MAP7D1: variants seen among roughly 807,000 people sequenced by gnomAD.
The protein encoded by MAP7D1 is MAP7 domain-containing protein 1.
In MAP7D1, 30 loss-of-function variants were observed where a neutral mutation model predicts 97.5. The ratio of observed to expected loss-of-function variants is 0.31; its 90% CI spans 0.23 to 0.42. The LOEUF is 0.42. Ranked by LOEUF, MAP7D1 falls within the 10% of genes least tolerant of loss-of-function variation. The probability of loss-of-function intolerance (pLI) is 1.00; values close to 1 mark genes in which losing one functional copy is unlikely to be tolerated. For missense variants in MAP7D1, 1,184 were observed against 1,179.5 expected (o/e 1.00, Z -0.06); for synonymous variants, 536 against 477.1 (o/e 1.12, Z -1.61).
In MAP7D1 at chr1:36,176,789, G is replaced by A. The variant is rs763003752; in HGVS notation, c.1326G>A (p.Ser442=). 1.4e-5 allele frequency: 22 copies of A among 1,597,098 alleles called. No individual in the cohort carries two copies. In the South Asian group the frequency reaches 1.7e-4, roughly 12 times the overall value. Residue 442 remains serine (S), a synonymous_variant, in exon 8 of 17, where the codon TCG becomes TCA. Transcript: ENST00000474796. This position sits in a 1 kb window ranked among gnomAD's most constrained non-coding sequence, Gnocchi z 6.1. ...AGCGCAGCCTCAAGAAGCGCCAGTC[G>A]CTGCCCGCCTCCCCACGTGCCCGCC... ...ARERSLKKRQ[S]LPASPRARLS...
chr1:36,167,256 A>T lies in MAP7D1; in HGVS notation c.47-3715A>T, dbSNP rs114540138. Reference sequence around the variant, plus strand: ...TCAGCAAAGATGACTGAGAAATGACAGTCAGCAAGGTAGAAGGAAAACTAG... The same window carrying T: ...TCAGCAAAGATGACTGAGAAATGACTGTCAGCAAGGTAGAAGGAAAACTAG... On this transcript the variant is annotated intron_variant, in intron 1 of 16. Transcript: ENST00000474796. Among the ~76,000 whole-genome samples, 539 of 152,308 alleles carry T rather than the reference A, an allele frequency of 3.5e-3. 3 individuals are homozygous for T. Among genetic ancestry groups the T allele is most frequent in the African/African-American group, 0.012 (504 of 41,570 alleles).
intron 13 of MAP7D1, 77 bp from the exon 14 acceptor site, chr1:36,179,438 G>C (rs1644684038): frequency 1.3e-6 from 2 of 1,571,820 alleles, no homozygotes; most frequent in Non-Finnish European, 1.7e-6. Context: ...GCCCGGGCAA[G>C]GGGAGGGCCG....
At chr1:36,171,462 C>T (rs774714547) in intron 2 of MAP7D1, 51 bp from the exon 3 acceptor site, 4 of 1,605,584 alleles carry the variant, frequency 2.5e-6, no homozygotes, top group East Asian at 2.2e-5. Context: ...GAGGCTGACT[C>T]CTCTTTGGGG....
intron 2 of MAP7D1, 85 bp from the exon 3 acceptor site, chr1:36,171,428 G>C: frequency 2.6e-6 from 4 of 1,561,942 alleles, no homozygotes; most frequent in Non-Finnish European, 3.5e-6. Flanking sequence ...GAAAGGATGG[G>C]GTGAGGCCCG....
At position 36,178,996 on chromosome 1, in the gene MAP7D1, CAGGAGCAAG is replaced by C; in HGVS notation, c.2104_2112del (p.Glu702_Glu704del). ...GGAGCGGGAAAAGCACTTCCAGCAG[CAGGAGCAAG>C]AGCGGCAAGAGCGCAGAAAGGTGTG... On this transcript the variant is annotated inframe_deletion, in exon 12 of 17. Transcript: ENST00000474796. 6.4e-7 allele frequency: 1 copy of C among 1,555,664 alleles called. No homozygotes were observed. Among genetic ancestry groups the C allele is most frequent in the Non-Finnish European group, 8.7e-7 (1 of 1,150,996 alleles).
chr1:36,175,820 G>A (rs895277277), intron 6 of MAP7D1, among the ~76,000 whole-genome samples: 11 of 152,330 alleles, frequency 7.2e-5, no homozygotes, highest in Non-Finnish European at 1.3e-4. Context: ...GGACAGCCTC[G>A]GCTGGGTCAG....
chr1:36,177,835 T>G (rs1644650092), intron 8 of MAP7D1, 38 bp from the exon 9 acceptor site: 3 of 1,521,130 alleles, frequency 2.0e-6, no homozygotes, highest in Non-Finnish European at 2.6e-6. Context: ...TGTGGGTGTG[T>G]GTGTCTCCTA....
At chr1:36,165,762 A>C in intron 1 of MAP7D1, among the ~76,000 whole-genome samples, 2 of 125,350 alleles carry the variant, frequency 1.6e-5, no homozygotes, top group Admixed American at 9.8e-5. Flanking sequence ...ACGGAGTCTC[A>C]CTCTGTCATC....
Position 36,159,568 on chromosome 1 carries a change from G to A in MAP7D1, c.46+3105G>A, listed in dbSNP as rs1266785197. On this transcript the variant is annotated intron_variant, in intron 1 of 16. Coordinates refer to ENST00000474796, the MANE Select transcript of MAP7D1 (RefSeq NM_001388490.1). This position sits in a 1 kb window ranked among gnomAD's most constrained non-coding sequence, Gnocchi z 5.4. ...GAAGACCCAAGAAACAGGTGCAACCGGCTATCCAGCACACCCATGCTGATG... is the reference window on the plus strand; with the variant it reads ...GAAGACCCAAGAAACAGGTGCAACCAGCTATCCAGCACACCCATGCTGATG... Among the ~76,000 whole-genome samples, 8 of 152,154 alleles carry A rather than the reference G, an allele frequency of 5.3e-5. No individual in the cohort carries two copies. The highest frequency in any genetic ancestry group is 1.0e-4 in the Non-Finnish European group (7 of 68,042).
At position 36,178,439 on chromosome 1, in the gene MAP7D1, C is replaced by T. The variant is rs1269339083; in HGVS notation, c.1729C>T (p.Pro577Ser). ...TPTDAAVLTS[P>S]PAPAPPVTPS... ...TCCAGACGCTGCTGTCTTGACCTCACCCCCAGCCCCTGCTCCCCCGGTGAC... is the reference window on the plus strand; with the variant it reads ...TCCAGACGCTGCTGTCTTGACCTCATCCCCAGCCCCTGCTCCCCCGGTGAC... Residue 577 changes from proline to serine, a missense_variant, in exon 10 of 17, where the codon CCC (proline) becomes TCC (serine). Pro to Ser is a moderately conservative substitution (Grantham distance 74, BLOSUM62 -1). Coordinates refer to ENST00000474796, the MANE Select transcript of MAP7D1 (RefSeq NM_001388490.1). 1.9e-6 allele frequency: 3 copies of T among 1,610,822 alleles called. No individual in the cohort carries two copies. The highest frequency in any genetic ancestry group is 2.5e-6 in the Non-Finnish European group (3 of 1,179,326).
intron 2 of MAP7D1, 73 bp from the exon 3 acceptor site, chr1:36,171,440 A>G: frequency 6.3e-7 from 1 of 1,581,254 alleles, no homozygotes; most frequent in Non-Finnish European, 8.7e-7. Context: ...TGAGGCCCGG[A>G]GGGAGGGATC....
chr1:36,178,564 G>C lies in MAP7D1; in HGVS notation c.1854G>C (p.Glu618Asp). 1 of 1,592,718 alleles carries C rather than the reference G, an allele frequency of 6.3e-7. No homozygotes were observed. The highest frequency in any genetic ancestry group is 8.5e-7 in the Non-Finnish European group (1 of 1,171,000). ...RQAREQRERE[E>D]QERRLQAERD... is the part of the protein sequence containing the mutation. ...CCCGGGAGCAGCGGGAGCGCGAGGA[G>C]CAGGAGCGGAGGCTGCAGGCAGAAA... Residue 618 changes from glutamate to aspartate, a missense_variant, in exon 10 of 17, where the codon GAG (glutamate) becomes GAC (aspartate). Coordinates refer to ENST00000474796, the MANE Select transcript of MAP7D1 (RefSeq NM_001388490.1).
At chr1:36,179,103 G>C in intron 12 of MAP7D1, 78 bp downstream of exon 12, 3 of 1,508,424 alleles carry the variant, frequency 2.0e-6, no homozygotes, top group Non-Finnish European at 2.7e-6. Flanking sequence ...GGCTTAGAGC[G>C]GACAGGACGG....
chr1:36,173,250 A>G, intron 4 of MAP7D1, 114 bp from the exon 5 acceptor site: 1 of 745,310 alleles, frequency 1.3e-6, no homozygotes, highest in Non-Finnish European at 2.3e-6. Flanking sequence ...TCAGGAAAAG[A>G]CTCCAAGGGA....
Position 36,176,776 on chromosome 1 carries a change from A to G in MAP7D1, c.1313A>G (p.Lys438Arg), listed in dbSNP as rs1406020622. Residue 438 changes from lysine (K) to arginine (R), a missense_variant, in exon 8 of 17, where the codon AAG (lysine) becomes AGG (arginine). By Grantham distance (26) the Lys-to-Arg change is conservative (BLOSUM62 2). Coordinates refer to ENST00000474796, the MANE Select transcript of MAP7D1 (RefSeq NM_001388490.1). This position sits in a 1 kb window ranked among gnomAD's most constrained non-coding sequence, Gnocchi z 6.1. ...GCCCTAGCCCGGGAGCGCAGCCTCA[A>G]GAAGCGCCAGTCGCTGCCCGCCTCC... The part of the protein sequence containing the change: ...KSALARERSL[K>R]KRQSLPASPR... 1 of 1,602,350 alleles carries G rather than the reference A, an allele frequency of 6.2e-7. No homozygotes were observed. The highest frequency in any genetic ancestry group is 1.7e-5 in the Admixed American group (1 of 58,110).
In MAP7D1 at chr1:36,178,810, G is replaced by A. The variant is rs748258923; in HGVS notation, c.2012G>A (p.Arg671Gln). ...CAGGCCGAGCAGGAGGAGCAGGAGC[G>A]GCTGCAGAAGCAGGTGCCCCCGGCG... The part of the protein sequence containing the change: ...KAQAEQEEQE[R>Q]LQKQKEEAEA... Residue 671 changes from arginine to glutamine, a missense_variant, in exon 11 of 17, where the codon CGG becomes CAG. Coordinates refer to ENST00000474796, the MANE Select transcript of MAP7D1 (RefSeq NM_001388490.1). The A allele has an allele frequency of 6.5e-7, 1 of 1,545,456 alleles. No homozygotes were observed. Among genetic ancestry groups the A allele is most frequent in the South Asian group, 1.2e-5 (1 of 83,826 alleles).
Position 36,176,917 on chromosome 1 carries a change from A to AAC in MAP7D1, c.1379+76_1379+77dup. The AAC allele has an allele frequency of 7.6e-7, 1 of 1,309,792 alleles. No individual in the cohort carries two copies. The highest frequency in any genetic ancestry group is 1.3e-5 in the South Asian group (1 of 76,788). 81.1% of individuals were successfully genotyped at this position (1,309,792 alleles called of 1,614,324 possible). A position where few individuals can be genotyped will look rare whatever the true frequency, so the allele number is the denominator to read the frequency against. On this transcript the variant is annotated intron_variant, in intron 8 of 16. Transcript: ENST00000474796. The surrounding 1 kb of genome is among the most constrained non-coding windows in gnomAD (Gnocchi z 6.1). The stretch of plus-strand genomic sequence containing the variant: ...CATCACCCACAAATATTTGTTGGGC[A>AAC]ACCACCTCTAGAATGCAACTTCCCT...
chr1:36,180,145 C>G (rs936306072), intron 16 of MAP7D1, 78 bp downstream of exon 16: 2 of 1,610,186 alleles, frequency 1.2e-6, no homozygotes, highest in African/African-American at 2.7e-5. Context: ...GCCTTCTCTT[C>G]TGGCTCTGCC....
intron 1 of MAP7D1, among the ~76,000 whole-genome samples, chr1:36,168,377 T>G (rs1243945408): frequency 1.3e-5 from 2 of 151,754 alleles, no homozygotes; most frequent in Non-Finnish European, 2.9e-5. Flanking sequence ...GGGCCTTGGT[T>G]GCCACACTTG....
Sources: allele counts gnomAD v4.1 joint callset (sites outside exome capture counted in the v4.1 genomes callset), GRCh38; gene constraint gnomAD v4.1.1; non-coding constraint Gnocchi (gnomAD v3.1); transcripts MANE v1.5; gene names NCBI Gene and HGNC (gene_info 2026-07-23, HGNC 2026-07-21).